L3MBTL4: variants seen among roughly 807,000 people sequenced by gnomAD.
L3MBTL4 encodes lethal(3)malignant brain tumor-like protein 4.
L3MBTL4 carries 70 observed loss-of-function variants against 84.5 expected under a neutral mutation model. The observed-to-expected ratio is 0.83, with a 90% CI of 0.68 to 1.01. The LOEUF (loss-of-function observed/expected upper bound fraction) is 1.01, where lower values mean the gene tolerates loss of function less well. L3MBTL4 is among the 50% of genes least tolerant of loss of function. The probability of loss-of-function intolerance (pLI) is 0.00; values close to 1 mark genes in which losing one functional copy is unlikely to be tolerated. For missense variants in L3MBTL4, 715 were observed against 754.8 expected, an observed-to-expected ratio of 0.95 and a Z score of 0.62; for synonymous variants, 274 against 259.8, an observed-to-expected ratio of 1.05 and a Z score of -0.52.
chr18:6,085,772 T>G (rs141301541), intron 15 of L3MBTL4, among the ~76,000 whole-genome samples: 33 of 152,292 alleles, frequency 2.2e-4, no homozygotes, highest in Non-Finnish European at 4.3e-4. Context: ...TCTCAGGCAG[T>G]TTTTTATAAC....
intron 12 of L3MBTL4, among the ~76,000 whole-genome samples, chr18:6,200,275 C>T (rs567996064): frequency 9.8e-4 from 149 of 152,272 alleles, no homozygotes; most frequent in African/African-American, 3.5e-3. Flanking sequence ...TATTAAAATA[C>T]ACCATGCTCG....
At chr18:6,253,114 A>C (rs2047997477) in intron 5 of L3MBTL4, among the ~76,000 whole-genome samples, 4 of 152,200 alleles carry the variant, frequency 2.6e-5, no homozygotes, top group Admixed American at 2.6e-4. Flanking sequence ...AGGCAGAAGA[A>C]TCGCTTGAGC....
chr18:6,237,493 TCA>T (rs1341672777), intron 10 of L3MBTL4, among the ~76,000 whole-genome samples: 2 of 142,436 alleles, frequency 1.4e-5, no homozygotes, highest in Non-Finnish European at 3.0e-5. Flanking sequence ...TCTCACTCTG[TCA>T]CCCAGGCTGG....
chr18:6,178,375 T>C (rs1213838308), intron 12 of L3MBTL4, among the ~76,000 whole-genome samples: 2 of 152,222 alleles, frequency 1.3e-5, no homozygotes, highest in South Asian at 2.1e-4. Context: ...TTCATATCTT[T>C]GGATCATATC....
intron 16 of L3MBTL4, among the ~76,000 whole-genome samples, chr18:6,053,011 G>T (rs763072166): frequency 6.6e-6 from 1 of 152,214 alleles, no homozygotes; most frequent in Non-Finnish European, 1.5e-5. Context: ...TCATTCGGAA[G>T]AACAAGTCCA....
intron 14 of L3MBTL4, among the ~76,000 whole-genome samples, chr18:6,122,314 C>G (rs578242571): frequency 6.6e-6 from 1 of 152,228 alleles, no homozygotes; most frequent in East Asian, 1.9e-4. Context: ...CTACAAGTAA[C>G]TTCCAAAAAT....
At chr18:6,183,942 T>G (rs956705432) in intron 12 of L3MBTL4, among the ~76,000 whole-genome samples, 1 of 151,330 alleles carries the variant, frequency 6.6e-6, no homozygotes, top group Non-Finnish European at 1.5e-5. Flanking sequence ...GTTGCAAAAT[T>G]TCCCCTAATA....
intron 10 of L3MBTL4, among the ~76,000 whole-genome samples, chr18:6,235,074 A>G (rs1181693904): frequency 2.6e-5 from 4 of 152,332 alleles, no homozygotes; most frequent in South Asian, 4.1e-4. Flanking sequence ...AAGGACAGAA[A>G]GCCAAACACC....
At chr18:6,091,371 T>C (rs554753151) in intron 15 of L3MBTL4, among the ~76,000 whole-genome samples, 1 of 152,264 alleles carries the variant, frequency 6.6e-6, no homozygotes, top group African/African-American at 2.4e-5. Flanking sequence ...TGGACAGATA[T>C]TGGAATGCAA....
chr18:6,358,496 A>C (rs1284399227), intron 1 of L3MBTL4, among the ~76,000 whole-genome samples: 1 of 152,154 alleles, frequency 6.6e-6, no homozygotes, highest in Admixed American at 6.5e-5. Context: ...GTTCCCTCCA[A>C]AACCCTGCAG....
At chr18:6,329,219 T>C (rs1462105169) in intron 1 of L3MBTL4, among the ~76,000 whole-genome samples, 2 of 149,986 alleles carry the variant, frequency 1.3e-5, no homozygotes, top group Admixed American at 6.7e-5. Context: ...AGTGGTGCGA[T>C]CTCGGCTCAC....
chr18:5,981,058 T>G (rs958954310), intron 16 of L3MBTL4, among the ~76,000 whole-genome samples: 2 of 152,162 alleles, frequency 1.3e-5, no homozygotes, highest in Non-Finnish European at 2.9e-5. Flanking sequence ...TGCCTGTTTT[T>G]CAGGTTTCTC....
intron 12 of L3MBTL4, among the ~76,000 whole-genome samples, chr18:6,179,265 C>T (rs1327955621): frequency 6.6e-6 from 1 of 152,128 alleles, no homozygotes; most frequent in Non-Finnish European, 1.5e-5. Flanking sequence ...AAATTGTAAG[C>T]GCAGACATGA....
At chr18:6,201,495 G>T (rs1402005352) in intron 12 of L3MBTL4, among the ~76,000 whole-genome samples, 3 of 152,148 alleles carry the variant, frequency 2.0e-5, no homozygotes, top group African/African-American at 7.2e-5. Flanking sequence ...GGGCTGTCTT[G>T]GACATTTGTA....
At chr18:5,991,440 CA>C (rs2053694980) in intron 16 of L3MBTL4, among the ~76,000 whole-genome samples, 1 of 152,082 alleles carries the variant, frequency 6.6e-6, no homozygotes, top group Admixed American at 6.5e-5. Flanking sequence ...GGCACATAAA[CA>C]TTCTGTTGAT....
At chr18:6,019,903 A>G (rs1319172324) in intron 16 of L3MBTL4, among the ~76,000 whole-genome samples, 1 of 152,200 alleles carries the variant, frequency 6.6e-6, no homozygotes, top group African/African-American at 2.4e-5. Context: ...TTTCTTTAAA[A>G]GTTTGTGTCC....
At chr18:6,210,132 T>C (rs572480380) in intron 12 of L3MBTL4, among the ~76,000 whole-genome samples, 5 of 152,124 alleles carry the variant, frequency 3.3e-5, no homozygotes, top group Non-Finnish European at 5.9e-5. Flanking sequence ...GTACGTGAAT[T>C]GTATCTCAAA....
intron 2 of L3MBTL4, 78 bp from the exon 3 acceptor site, chr18:6,311,734 C>T (rs762128664): frequency 1.1e-4 from 89 of 813,012 alleles, no homozygotes; most frequent in Non-Finnish European, 1.7e-4. Context: ...CAAGAAAATG[C>T]TTTCAATTAT....
chr18:6,345,745 TA>T (rs979426955), intron 1 of L3MBTL4, among the ~76,000 whole-genome samples: 6 of 152,240 alleles, frequency 3.9e-5, no homozygotes, highest in Admixed American at 6.5e-5. Context: ...ATATTCACAC[TA>T]CTCAAACTGA....
Sources: allele counts gnomAD v4.1 joint callset (sites outside exome capture counted in the v4.1 genomes callset), GRCh38; gene constraint gnomAD v4.1.1; transcripts MANE v1.5; gene names NCBI Gene and HGNC (gene_info 2026-07-23, HGNC 2026-07-21).